Variants in FHOD3 observed in about 807,000 individuals in gnomAD.
The protein encoded by FHOD3 is FH1/FH2 domain-containing protein 3.
A neutral mutation model predicts 173.0 loss-of-function variants in FHOD3; 90 were observed. The observed-to-expected ratio is 0.52, with a 90% CI of 0.44 to 0.62. The LOEUF (loss-of-function observed/expected upper bound fraction) is 0.62, where lower values mean the gene tolerates loss of function less well. FHOD3 is among the 20% of genes least tolerant of loss of function. The probability of loss-of-function intolerance (pLI) is 0.00; values close to 1 mark genes in which losing one functional copy is unlikely to be tolerated. For missense variants in FHOD3, 1,945 were observed against 2,034.7 expected, an observed-to-expected ratio of 0.96 and a Z score of 0.85; for synonymous variants, 828 against 823.0, an observed-to-expected ratio of 1.01 and a Z score of -0.10.
At chr18:36,760,523 C>A in intron 26 of FHOD3, 85 bp from the exon 27 acceptor site, 1 of 1,316,108 alleles carries the variant, frequency 7.6e-7, no homozygotes, top group Non-Finnish European at 1.0e-6. Context: ...AGGAGAGGAG[C>A]TTTTCCTCAA....
intron 5 of FHOD3, among the ~76,000 whole-genome samples, chr18:36,549,083 T>C (rs188673421): frequency 1.4e-4 from 22 of 152,358 alleles, no homozygotes; most frequent in Non-Finnish European, 2.9e-4. Flanking sequence ...TTTCCAACAC[T>C]TGGTGTGGTT....
At chr18:36,571,114 G>A (rs996427941) in intron 5 of FHOD3, among the ~76,000 whole-genome samples, 1 of 151,802 alleles carries the variant, frequency 6.6e-6, no homozygotes, top group Non-Finnish European at 1.5e-5. Context: ...CAAAATTCCA[G>A]GAAATCTACA....
chr18:36,727,516 G>A (rs2041137873), intron 19 of FHOD3, among the ~76,000 whole-genome samples: 2 of 152,166 alleles, frequency 1.3e-5, no homozygotes, highest in Admixed American at 1.3e-4. Context: ...TTCCATTTCA[G>A]GTATTCCTTT....
intron 10 of FHOD3, among the ~76,000 whole-genome samples, chr18:36,632,630 A>G (rs1464551697): frequency 6.6e-6 from 1 of 152,140 alleles, no homozygotes; most frequent in African/African-American, 2.4e-5. Context: ...GCTTTTAGGC[A>G]TCATGCTTGC....
intron 20 of FHOD3, among the ~76,000 whole-genome samples, chr18:36,735,079 C>T (rs4799432): frequency 0.28 from 41,887 of 151,924 alleles, 6,171 homozygotes; most frequent in South Asian, 0.44. Flanking sequence ...GGAAGTATGA[C>T]GATTTTTATT....
intron 15 of FHOD3, 105 bp from the exon 16 acceptor site, chr18:36,687,023 T>G (rs1327414002): frequency 1.3e-6 from 1 of 758,262 alleles, no homozygotes; most frequent in Non-Finnish European, 2.1e-6. Flanking sequence ...TCTGAGGCAG[T>G]GCCAGTCTTT....
At chr18:36,541,925 T>C (rs1393355976) in intron 5 of FHOD3, among the ~76,000 whole-genome samples, 1 of 152,216 alleles carries the variant, frequency 6.6e-6, no homozygotes, top group Non-Finnish European at 1.5e-5. Flanking sequence ...TTTATGCTTT[T>C]AAAGTACTCT....
At position 36,499,490 on chromosome 18, in the gene FHOD3, G is replaced by T. The variant is rs181369252; in HGVS notation, c.338-2442G>T. The stretch of plus-strand genomic sequence containing the variant: ...GATAAATCTGGTCCACTTCTTTGGG[G>T]GTATACATGGCCCATGCTTTCACTT... On this transcript the variant is annotated intron_variant, in intron 3 of 28. Coordinates refer to ENST00000590592, the MANE Select transcript of FHOD3 (RefSeq NM_001281740.3). Among the ~76,000 whole-genome samples the T allele has an allele frequency of 2.0e-4, 30 of 152,182 alleles. No homozygotes were observed. In the East Asian group the frequency reaches 5.0e-3, roughly 25 times the overall value.
At chr18:36,488,328 G>A (rs2054292938) in intron 3 of FHOD3, among the ~76,000 whole-genome samples, 1 of 152,212 alleles carries the variant, frequency 6.6e-6, no homozygotes, top group South Asian at 2.1e-4. Context: ...AGGGCAGAGA[G>A]GGTGAACATC....
At chr18:36,352,676 C>T (rs149890928) in intron 1 of FHOD3, among the ~76,000 whole-genome samples, 1 of 152,298 alleles carries the variant, frequency 6.6e-6, no homozygotes, top group East Asian at 1.9e-4. Flanking sequence ...CTCCTTATCC[C>T]AGTGCTTCTC....
intron 9 of FHOD3, among the ~76,000 whole-genome samples, chr18:36,620,794 TTTTC>T (rs2033641311): frequency 6.6e-6 from 1 of 152,240 alleles, no homozygotes; most frequent in South Asian, 2.1e-4. Context: ...GAGTTGGGAT[TTTTC>T]TTTCTTTCTG....
chr18:36,730,201 TTC>T (rs2041284597), intron 19 of FHOD3, among the ~76,000 whole-genome samples: 1 of 152,148 alleles, frequency 6.6e-6, no homozygotes, highest in Non-Finnish European at 1.5e-5. Context: ...TGGTGCTGTA[TTC>T]TCCTTATTGA....
At chr18:36,329,600 G>C (rs1397862588) in intron 1 of FHOD3, among the ~76,000 whole-genome samples, 1 of 152,198 alleles carries the variant, frequency 6.6e-6, no homozygotes, top group Non-Finnish European at 1.5e-5. Flanking sequence ...ATGGGGTAGG[G>C]TGGGGTGGTG....
chr18:36,325,211 G>A (rs780270042), intron 1 of FHOD3, among the ~76,000 whole-genome samples: 2 of 152,120 alleles, frequency 1.3e-5, no homozygotes, highest in South Asian at 2.1e-4. Flanking sequence ...GTCTCTGGGT[G>A]CTAGTAGTGC....
intron 3 of FHOD3, among the ~76,000 whole-genome samples, chr18:36,416,884 T>G (rs943707398): frequency 7.2e-5 from 11 of 152,162 alleles, no homozygotes; most frequent in African/African-American, 2.4e-4. Flanking sequence ...AGTCTCCTTT[T>G]TCCAAGCAGT....
chr18:36,366,724 C>T (rs1418448517), intron 2 of FHOD3, among the ~76,000 whole-genome samples: 1 of 152,170 alleles, frequency 6.6e-6, no homozygotes, highest in Non-Finnish European at 1.5e-5. Flanking sequence ...TAGCTGATGA[C>T]TGGTTCAAAT....
intron 3 of FHOD3, among the ~76,000 whole-genome samples, chr18:36,376,954 T>G (rs2047471484): frequency 6.6e-6 from 1 of 152,258 alleles, no homozygotes; most frequent in Non-Finnish European, 1.5e-5. Flanking sequence ...AGCAAGGTCC[T>G]GAGGCTGTGT....
intron 1 of FHOD3, among the ~76,000 whole-genome samples, chr18:36,330,125 G>C (rs1386364363): frequency 6.6e-6 from 1 of 152,174 alleles, no homozygotes; most frequent in Non-Finnish European, 1.5e-5. Context: ...TACACACCTA[G>C]CTTGAAATTA....
At chr18:36,447,609 G>A (rs1242230350) in intron 3 of FHOD3, among the ~76,000 whole-genome samples, 3 of 152,178 alleles carry the variant, frequency 2.0e-5, no homozygotes, top group Non-Finnish European at 4.4e-5. Flanking sequence ...CAAAAGGGCT[G>A]GGGGAGATTG....
Sources: gnomAD v4.1 joint callset for allele counts (sites outside exome capture counted in the v4.1 genomes callset) on GRCh38, gnomAD v4.1.1 for gene constraint, MANE v1.5 for transcripts, NCBI Gene and HGNC (gene_info 2026-07-23, HGNC 2026-07-21) for gene names.